TGFB1: variants seen among roughly 807,000 people sequenced by gnomAD.
TGFB1 encodes transforming growth factor beta-1 proprotein.
A neutral mutation model predicts 43.8 loss-of-function variants in TGFB1; 19 were observed. That is an observed-to-expected ratio of 0.43 (90% CI 0.30 to 0.64). The LOEUF (loss-of-function observed/expected upper bound fraction) is 0.64, where lower values mean the gene tolerates loss of function less well. TGFB1 is among the 30% of genes least tolerant of loss of function. The pLI, the probability that TGFB1 is intolerant of heterozygous loss-of-function variation, is 0.11. For synonymous variants in TGFB1, 221 were observed against 236.3 expected (o/e 0.94, Z 0.60); for missense variants, 445 against 529.8 (o/e 0.84, Z 1.57).
At chr19:41,333,240 T>A (rs914926306) in intron 5 of TGFB1, among the ~76,000 whole-genome samples, 13 of 132,176 alleles carry the variant, frequency 9.8e-5, no homozygotes, top group Non-Finnish European at 1.7e-4. Flanking sequence ...TGAGACAGAG[T>A]CTCACTCTGT....
intron 5 of TGFB1, among the ~76,000 whole-genome samples, chr19:41,338,279 A>G (rs2038011753): frequency 1.3e-5 from 2 of 151,308 alleles, no homozygotes; most frequent in Non-Finnish European, 2.9e-5. Flanking sequence ...AGATCACTTG[A>G]GGTCAGGAGT....
Position 41,348,312 on chromosome 19 carries a change from G to C in TGFB1, c.499C>G (p.His167Asp). 10 of 1,612,972 alleles carry C rather than the reference G, an allele frequency of 6.2e-6. No individual in the cohort carries two copies. Among genetic ancestry groups the C allele is most frequent in the Non-Finnish European group, 8.5e-6 (10 of 1,179,668 alleles). Reference protein sequence around the residue: ...LLRLKLKVEQHVELYQKYSNN... With the variant: ...LLRLKLKVEQDVELYQKYSNN... ...GTCCTCACCTGGTACAGCTCCACGTGCTGCTCCACTTTTAACTTGAGCCTC... is the reference window on the plus strand; with the variant it reads ...GTCCTCACCTGGTACAGCTCCACGTCCTGCTCCACTTTTAACTTGAGCCTC... Residue 167 changes from histidine to aspartate, a missense_variant, in exon 2 of 7, where the codon CAC becomes GAC. Around this residue, in one of 3 missense-constraint regions of TGFB1, gnomAD observed 366 missense variants for 428.8 expected, o/e 0.85. Coordinates refer to ENST00000221930, the MANE Select transcript of TGFB1 (RefSeq NM_000660.7).
chr19:41,345,463 C>T (rs1015251530), intron 2 of TGFB1, among the ~76,000 whole-genome samples: 18 of 152,158 alleles, frequency 1.2e-4, no homozygotes, highest in African/African-American at 4.3e-4. Flanking sequence ...CGCCACTGCA[C>T]TCCAGCCTGG....
intron 3 of TGFB1, among the ~76,000 whole-genome samples, 190 bp downstream of exon 3, chr19:41,344,557 G>A (rs915437470): frequency 2.0e-5 from 3 of 152,164 alleles, no homozygotes; most frequent in African/African-American, 7.2e-5. Flanking sequence ...CCATCACAGG[G>A]CAGGGCAGAG....
At chr19:41,337,651 T>C (rs930693528) in intron 5 of TGFB1, among the ~76,000 whole-genome samples, 1 of 152,132 alleles carries the variant, frequency 6.6e-6, no homozygotes, top group African/African-American at 2.4e-5. Flanking sequence ...GTCAACTATA[T>C]ATAGACTGAC....
chr19:41,350,585 G>C (rs1278328610), intron 1 of TGFB1, among the ~76,000 whole-genome samples: 4 of 152,212 alleles, frequency 2.6e-5, no homozygotes, highest in Non-Finnish European at 5.9e-5. Context: ...TGGGATTACA[G>C]GCGTGAGCCA....
rs1024663906 is a variant in TGFB1, at chr19:41,331,199, C to T, written c.1026G>A (p.Leu342=). ...LDTQYSKVLA[L]YNQHNPGASA... is the part of the protein sequence containing the mutation. Reference sequence around the variant, plus strand: ...AGGCGCCCGGGTTATGCTGGTTGTACAGGGCCAGGACCTGCGGGCGGCGGG... The same window carrying T: ...AGGCGCCCGGGTTATGCTGGTTGTATAGGGCCAGGACCTGCGGGCGGCGGG... The change falls in exon 7 of 7, where the codon CTG becomes CTA. Residue 342 remains leucine, a synonymous_variant. Coordinates refer to ENST00000221930, the MANE Select transcript of TGFB1 (RefSeq NM_000660.7). 3 of 1,537,918 alleles carry T rather than the reference C, an allele frequency of 2.0e-6. No homozygotes were observed. The highest frequency in any genetic ancestry group is 2.6e-6 in the Non-Finnish European group (3 of 1,144,270).
intron 1 of TGFB1, chr19:41,351,166 G>T: frequency 6.6e-6 from 1 of 152,500 alleles, no homozygotes; most frequent in Non-Finnish European, 1.5e-5. Context: ...AGTGTTAAAG[G>T]AACCTCTACA....
chr19:41,340,313 G>A (rs1014715245), intron 5 of TGFB1, among the ~76,000 whole-genome samples: 1 of 145,438 alleles, frequency 6.9e-6, no homozygotes, highest in African/African-American at 2.6e-5. Context: ...CCGGAGTGCA[G>A]TGGCGCGATC....
At chr19:41,347,057 C>T (rs1483386301) in intron 2 of TGFB1, among the ~76,000 whole-genome samples, 1 of 151,986 alleles carries the variant, frequency 6.6e-6, no homozygotes, top group African/African-American at 2.4e-5. Context: ...CGGTCTCGCT[C>T]CATCACCCAG....
intron 1 of TGFB1, among the ~76,000 whole-genome samples, chr19:41,351,950 T>C (rs2123115740): frequency 6.6e-6 from 1 of 152,204 alleles, no homozygotes; most frequent in African/African-American, 2.4e-5. Context: ...CTCCCCACTC[T>C]GTCCCTCACG....
chr19:41,352,115 C>T (rs932216345), intron 1 of TGFB1, among the ~76,000 whole-genome samples: 1 of 152,044 alleles, frequency 6.6e-6, no homozygotes, highest in South Asian at 2.1e-4. Flanking sequence ...GACTCTCCCC[C>T]ACCCCCGCAT....
At position 41,344,155 on chromosome 19, in the gene TGFB1, G is replaced by T. The variant is rs115022623; in HGVS notation, c.634+592C>A. 7.0e-3 allele frequency among the ~76,000 whole-genome samples: 1,056 copies of T among 150,924 alleles called. 13 individuals carry two copies. The highest frequency in any genetic ancestry group is 0.024 in the African/African-American group (997 of 40,918). ...GTAACAGCATGCATGGCTAATTTTT[G>T]TATTTTTGTGTAGAGACCGGGTTTC... On this transcript the variant is annotated intron_variant, in intron 3 of 6. Transcript: ENST00000221930.
At chr19:41,352,241 C>G (rs2038209794) in intron 1 of TGFB1, among the ~76,000 whole-genome samples, 1 of 151,964 alleles carries the variant, frequency 6.6e-6, no homozygotes, top group Non-Finnish European at 1.5e-5. Context: ...CTCAGGACCC[C>G]CAAGCTCTGG....
chr19:41,333,180 CCTTCA>C (rs2037952729), intron 5 of TGFB1, among the ~76,000 whole-genome samples: 1 of 150,190 alleles, frequency 6.7e-6, no homozygotes, highest in South Asian at 2.1e-4. Context: ...CCAGCTTGTT[CCTTCA>C]CTTCATTTCT....
intron 1 of TGFB1, among the ~76,000 whole-genome samples, chr19:41,351,779 C>A (rs916285310): frequency 6.4e-5 from 8 of 124,684 alleles, no homozygotes; most frequent in African/African-American, 2.5e-4. Context: ...TCCGCTCAGC[C>A]CATTCCCCTG....
At position 41,353,072 on chromosome 19, in the gene TGFB1, C is replaced by G. The variant is rs201619377; in HGVS notation, c.-28G>C. 1.5e-4 allele frequency: 227 copies of G among 1,504,162 alleles called. No homozygotes were observed. Among genetic ancestry groups the G allele is most frequent in the Non-Finnish European group, 1.8e-4 (206 of 1,131,966 alleles). 93.2% of individuals were successfully genotyped at this position (1,504,162 alleles called of 1,614,324 possible). On this transcript the variant is annotated 5_prime_UTR_variant, in exon 1 of 7. Coordinates refer to ENST00000221930, the MANE Select transcript of TGFB1 (RefSeq NM_000660.7). This position sits in a 1 kb window ranked among gnomAD's most constrained non-coding sequence, Gnocchi z 5.9. ...GGGAGGCGGCGCCCCCCGGCACTGC[C>G]GAGAGCGCGAACAGGGCTGGTGTGG...
At chr19:41,338,942 T>A (rs142223507) in intron 5 of TGFB1, among the ~76,000 whole-genome samples, 8 of 151,830 alleles carry the variant, frequency 5.3e-5, no homozygotes, top group Non-Finnish European at 8.8e-5. Context: ...AAAACTTGTA[T>A]GTGAATTTTT....
Position 41,352,736 on chromosome 19 carries a change from G to A in TGFB1, c.309C>T (p.Tyr103=). The change falls in exon 1 of 7, where the codon TAC becomes TAT. Residue 103 remains tyrosine (Y), a synonymous_variant. Transcript: ENST00000221930. ...GCACGCGGGTGACCTCCTTGGCGTA[G>A]TAGTCGGCCTCAGGCTCGGGCTCCG... is the stretch of plus-strand genomic sequence containing the variant. ...AEPEPEPEAD[Y]YAKEVTRVLM... is the part of the protein sequence containing the mutation. 2.5e-6 allele frequency: 4 copies of A among 1,613,654 alleles called. No individual in the cohort carries two copies. The highest frequency in any genetic ancestry group is 3.4e-6 in the Non-Finnish European group (4 of 1,179,828).
Sources: gnomAD v4.1 joint callset for allele counts (sites outside exome capture counted in the v4.1 genomes callset) on GRCh38, gnomAD v4.1.1 for gene constraint, gnomAD v4.1.1 regional missense constraint, Gnocchi (gnomAD v3.1) non-coding constraint, MANE v1.5 for transcripts, NCBI Gene and HGNC (gene_info 2026-07-23, HGNC 2026-07-21) for gene names.